Variants in FOXP2 observed in about 807,000 individuals in gnomAD.
FOXP2 encodes the protein forkhead box P2.
In FOXP2, 12 loss-of-function variants were observed where a neutral mutation model predicts 115.8. The observed-to-expected ratio is 0.10, with a 90% confidence interval of 0.07 to 0.17. The LOEUF (loss-of-function observed/expected upper bound fraction) is 0.17, where lower values mean the gene tolerates loss of function less well. FOXP2 is among the 10% of genes least tolerant of loss of function. The pLI is 1.00. For synonymous variants in FOXP2, 328 were observed against 297.7 expected, an observed-to-expected ratio of 1.10 and a Z score of -1.05; for missense variants, 629 against 843.5, an observed-to-expected ratio of 0.75 and a Z score of 3.15.
At chr7:114,626,109 T>A (rs1463970755) in intron 3 of FOXP2, among the ~76,000 whole-genome samples, 1 of 151,874 alleles carries the variant, frequency 6.6e-6, no homozygotes, top group Non-Finnish European at 1.5e-5. Context: ...AAGAAGAGAA[T>A]GATTTCATGG....
In FOXP2 at chr7:114,664,389, T is replaced by C. The variant is rs1342597499; in HGVS notation, c.1956T>C (p.Ile652=). The C allele has an allele frequency of 6.2e-7, 1 of 1,613,638 alleles. No homozygotes were observed. ...HEDLNGSLDH[I]DSNGNSSPGC... The stretch of plus-strand genomic sequence containing the variant: ...ACCTCAATGGTTCTCTGGATCACAT[T>C]GACAGCAATGGAAACAGTAGTCCGG... The change falls in exon 16 of 17, where the codon ATT becomes ATC. Residue 652 remains isoleucine, a synonymous_variant. Transcript: ENST00000350908.
intron 3 of FOXP2, among the ~76,000 whole-genome samples, chr7:114,617,710 T>G (rs1804025953): frequency 6.6e-6 from 1 of 152,186 alleles, no homozygotes; most frequent in African/African-American, 2.4e-5. Context: ...GGAAAATTGC[T>G]TGAACCTGGG....
At chr7:114,422,867 A>G (rs1034543173) in intron 1 of FOXP2, among the ~76,000 whole-genome samples, 1 of 151,764 alleles carries the variant, frequency 6.6e-6, no homozygotes, top group Non-Finnish European at 1.5e-5. Flanking sequence ...AATAAAACCA[A>G]CAAGTCTAGC....
chr7:114,150,875 T>C (rs1184403802), intron 1 of FOXP2, among the ~76,000 whole-genome samples: 1 of 152,078 alleles, frequency 6.6e-6, no homozygotes, highest in Non-Finnish European at 1.5e-5. Context: ...CCTGGAACTG[T>C]GGCATTCCCT....
At chr7:114,464,868 C>T (rs1795736696) in intron 2 of FOXP2, among the ~76,000 whole-genome samples, 1 of 152,144 alleles carries the variant, frequency 6.6e-6, no homozygotes, top group Non-Finnish European at 1.5e-5. Flanking sequence ...TGAGTGTTAG[C>T]CCATCTGTGC....
intron 2 of FOXP2, among the ~76,000 whole-genome samples, chr7:114,397,606 T>C (rs1792775141): frequency 6.6e-6 from 1 of 152,010 alleles, no homozygotes; most frequent in Non-Finnish European, 1.5e-5. Context: ...TACCCTAAGA[T>C]GGCAGTGAGA....
chr7:114,424,271 A>G (rs1315615299), intron 1 of FOXP2, among the ~76,000 whole-genome samples: 1 of 151,390 alleles, frequency 6.6e-6, no homozygotes, highest in Non-Finnish European at 1.5e-5. Flanking sequence ...GATTTACTAC[A>G]CAAAGGTTAG....
At chr7:114,113,432 A>AG (rs951764529) in intron 1 of FOXP2, among the ~76,000 whole-genome samples, 13 of 152,136 alleles carry the variant, frequency 8.5e-5, no homozygotes, top group African/African-American at 3.1e-4. Context: ...CTCAGGCTGG[A>AG]GGGCAGTTGT....
intron 2 of FOXP2, among the ~76,000 whole-genome samples, chr7:114,314,502 T>C (rs1199070198): frequency 6.6e-6 from 1 of 152,112 alleles, no homozygotes; most frequent in Non-Finnish European, 1.5e-5. Context: ...AATTTTCACA[T>C]AGTTCAATTG....
At chr7:114,310,386 C>T (rs1797120031) in intron 2 of FOXP2, among the ~76,000 whole-genome samples, 1 of 152,202 alleles carries the variant, frequency 6.6e-6, no homozygotes, top group African/African-American at 2.4e-5. Context: ...TATCAAGGCC[C>T]TTCCTAGCTT....
chr7:114,467,602 C>T (rs192329404), intron 2 of FOXP2, among the ~76,000 whole-genome samples: 3 of 152,220 alleles, frequency 2.0e-5, no homozygotes, highest in East Asian at 1.9e-4. Flanking sequence ...ACTGCCTTCC[C>T]GGTTGTTGTT....
At chr7:114,423,911 T>C (rs1290911757) in intron 1 of FOXP2, among the ~76,000 whole-genome samples, 1 of 151,558 alleles carries the variant, frequency 6.6e-6, no homozygotes, top group African/African-American at 2.4e-5. Context: ...ACAATCACCC[T>C]TCTTTTTTCA....
At chr7:114,368,027 TACTCC>T (rs768112496) in intron 2 of FOXP2, among the ~76,000 whole-genome samples, 2 of 152,180 alleles carry the variant, frequency 1.3e-5, no homozygotes, top group Non-Finnish European at 2.9e-5. Context: ...AGGCAAATAC[TACTCC>T]AGTTTTCCTA....
chr7:114,547,689 G>T (rs767311186), intron 3 of FOXP2, among the ~76,000 whole-genome samples: 2 of 152,072 alleles, frequency 1.3e-5, no homozygotes, highest in African/African-American at 2.4e-5. Flanking sequence ...AACCCGGGAG[G>T]CGGAGGTTGC....
intron 16 of FOXP2, chr7:114,667,454 T>TATG (rs1807228288): frequency 6.6e-6 from 1 of 152,044 alleles, no homozygotes; most frequent in African/African-American, 2.4e-5. Flanking sequence ...AGTGAAACAA[T>TATG]ATGACACAAG....
At chr7:114,168,628 C>T (rs959574085) in intron 1 of FOXP2, among the ~76,000 whole-genome samples, 18 of 151,978 alleles carry the variant, frequency 1.2e-4, no homozygotes, top group African/African-American at 2.4e-4. Flanking sequence ...CCTGACAATG[C>T]GATAGAAAAG....
At chr7:114,437,509 G>A (rs186305057) in intron 2 of FOXP2, among the ~76,000 whole-genome samples, 12 of 152,164 alleles carry the variant, frequency 7.9e-5, no homozygotes, top group Middle Eastern at 3.4e-3. Context: ...TTTCTACCAG[G>A]CATCTTATGT....
chr7:114,651,436 T>G (rs952415933), intron 8 of FOXP2, among the ~76,000 whole-genome samples: 1 of 152,124 alleles, frequency 6.6e-6, no homozygotes, highest in Non-Finnish European at 1.5e-5. Context: ...TTGGAGATGC[T>G]GCTTTACTAA....
At chr7:114,152,847 C>T (rs912596224) in intron 1 of FOXP2, among the ~76,000 whole-genome samples, 8 of 152,076 alleles carry the variant, frequency 5.3e-5, no homozygotes, top group African/African-American at 1.7e-4. Context: ...GGCCCCCATA[C>T]ACTGCGTACC....
Sources: gnomAD v4.1 joint callset for allele counts (sites outside exome capture counted in the v4.1 genomes callset) on GRCh38, gnomAD v4.1.1 for gene constraint, MANE v1.5 for transcripts, NCBI Gene and HGNC (gene_info 2026-07-23, HGNC 2026-07-21) for gene names.